Variants in STAC observed in about 807,000 individuals in gnomAD.
STAC encodes the protein SH3 and cysteine-rich domain-containing protein.
STAC carries 43 observed loss-of-function variants against 48.8 expected under a neutral mutation model. The observed-to-expected ratio is 0.88, with a 90% CI of 0.69 to 1.14. The LOEUF (loss-of-function observed/expected upper bound fraction) is 1.14, where lower values mean the gene tolerates loss of function less well. Among genes scored for constraint, STAC ranks in the 50% most tolerant of loss-of-function variants. The probability of loss-of-function intolerance (pLI) is 0.00; values close to 1 mark genes in which losing one functional copy is unlikely to be tolerated. For synonymous variants in STAC, 193 were observed against 179.5 expected, an observed-to-expected ratio of 1.07 and a Z score of -0.60; for missense variants, 497 against 504.0, an observed-to-expected ratio of 0.99 and a Z score of 0.13.
chr3:36,457,185 G>A (rs1042761829), intron 2 of STAC, among the ~76,000 whole-genome samples: 2 of 152,136 alleles, frequency 1.3e-5, no homozygotes, highest in Non-Finnish European at 2.9e-5. Context: ...ATCAGCAAAT[G>A]GATCATCACA....
intron 8 of STAC, among the ~76,000 whole-genome samples, chr3:36,518,430 A>G (rs987453648): frequency 1.5e-4 from 22 of 151,346 alleles, no homozygotes; most frequent in Admixed American, 9.9e-4. Context: ...AAAAAGAAGG[A>G]AAAAAAAAGA....
chr3:36,537,298 G>A (rs758688251), intron 10 of STAC, among the ~76,000 whole-genome samples: 35 of 152,194 alleles, frequency 2.3e-4, no homozygotes, highest in Non-Finnish European at 3.7e-4. Flanking sequence ...CAACCCAAAT[G>A]CCCATCAATG....
intron 1 of STAC, among the ~76,000 whole-genome samples, chr3:36,398,580 GGAAGGAAGGAAGGAAGGA>G (rs1160017724): frequency 2.1e-4 from 14 of 67,930 alleles, no homozygotes; most frequent in African/African-American, 4.0e-4. Flanking sequence ...AAGGAAGGAA[GGAAGGAAGGAAGGAAGGA>G]AGAAAGGAAG....
chr3:36,476,774 C>G (rs1416153488), intron 2 of STAC, among the ~76,000 whole-genome samples: 4 of 152,200 alleles, frequency 2.6e-5, no homozygotes, highest in African/African-American at 9.7e-5. Context: ...TTAAATTCCT[C>G]TTGTCTGCCT....
chr3:36,421,454 A>T (rs1700446526), intron 1 of STAC, among the ~76,000 whole-genome samples: 2 of 152,104 alleles, frequency 1.3e-5, no homozygotes, highest in African/African-American at 4.8e-5. Flanking sequence ...TACTATGAGA[A>T]TTCAATAATT....
At chr3:36,500,626 T>C (rs1698259918) in intron 6 of STAC, among the ~76,000 whole-genome samples, 2 of 152,192 alleles carry the variant, frequency 1.3e-5, no homozygotes, top group African/African-American at 4.8e-5. Flanking sequence ...ACACATGGAA[T>C]TATTTAAAAT....
intron 5 of STAC, among the ~76,000 whole-genome samples, chr3:36,489,730 C>A (rs115177641): frequency 0.017 from 2,662 of 152,252 alleles, 20 homozygotes; most frequent in Non-Finnish European, 0.021. Flanking sequence ...TTCTGTAACA[C>A]TATAAAGGCC....
At chr3:36,466,830 C>T (rs1032789250) in intron 2 of STAC, among the ~76,000 whole-genome samples, 6 of 151,774 alleles carry the variant, frequency 4.0e-5, no homozygotes, top group Non-Finnish European at 7.4e-5. Flanking sequence ...GATTTGGATG[C>T]CCTTTATTTC....
At chr3:36,510,410 T>A (rs1698507253) in intron 8 of STAC, among the ~76,000 whole-genome samples, 1 of 152,124 alleles carries the variant, frequency 6.6e-6, no homozygotes, top group Admixed American at 6.6e-5. Flanking sequence ...TCCTCAAGGA[T>A]CTAGAACCAG....
At chr3:36,411,214 C>T (rs536659348) in intron 1 of STAC, among the ~76,000 whole-genome samples, 6 of 152,334 alleles carry the variant, frequency 3.9e-5, no homozygotes, top group Non-Finnish European at 8.8e-5. Flanking sequence ...ATGTCCACTG[C>T]CATACCCCTG....
intron 6 of STAC, among the ~76,000 whole-genome samples, chr3:36,494,804 G>A (rs1698094815): frequency 6.6e-6 from 1 of 152,180 alleles, no homozygotes; most frequent in South Asian, 2.1e-4. Flanking sequence ...TGGCTTCGAG[G>A]GGAACTTCAT....
chr3:36,433,816 C>T (rs1316064065), intron 1 of STAC, among the ~76,000 whole-genome samples: 1 of 152,182 alleles, frequency 6.6e-6, no homozygotes, highest in Non-Finnish European at 1.5e-5. Flanking sequence ...AGTGGCAGAG[C>T]ATGCAATCAA....
intron 5 of STAC, among the ~76,000 whole-genome samples, chr3:36,492,065 T>TATATATATATATAC (rs1698001185): frequency 1.1e-5 from 1 of 93,782 alleles, no homozygotes; most frequent in African/African-American, 4.1e-5. Flanking sequence ...TATATATATA[T>TATATATATATATAC]ATGTGACTGT....
chr3:36,444,386 A>G (rs1195034956), intron 2 of STAC, among the ~76,000 whole-genome samples: 1 of 152,078 alleles, frequency 6.6e-6, no homozygotes, highest in Non-Finnish European at 1.5e-5. Context: ...TTTTACTCTC[A>G]CTCAGGCATC....
At chr3:36,467,523 T>C (rs924610151) in intron 2 of STAC, among the ~76,000 whole-genome samples, 2 of 152,156 alleles carry the variant, frequency 1.3e-5, no homozygotes, top group African/African-American at 4.8e-5. Flanking sequence ...TCTCACTGCT[T>C]GTTAATTGGT....
chr3:36,440,358 C>A (rs960988250), intron 1 of STAC, among the ~76,000 whole-genome samples: 1 of 152,114 alleles, frequency 6.6e-6, no homozygotes, highest in East Asian at 1.9e-4. Flanking sequence ...TGTGGGTTGA[C>A]AATTTGACAA....
At chr3:36,454,875 C>T (rs534434782) in intron 2 of STAC, among the ~76,000 whole-genome samples, 1 of 152,306 alleles carries the variant, frequency 6.6e-6, no homozygotes, top group African/African-American at 2.4e-5. Context: ...CTGTCTCTCT[C>T]AAATTACAGC....
intron 2 of STAC, among the ~76,000 whole-genome samples, chr3:36,462,315 C>T (rs1408003091): frequency 2.0e-5 from 3 of 151,908 alleles, no homozygotes; most frequent in Non-Finnish European, 4.4e-5. Context: ...GTGTTAGTCA[C>T]GTTAAAATTG....
At position 36,539,579 on chromosome 3, in the gene STAC, T is replaced by C. The variant is rs542094565; in HGVS notation, c.1111-6612T>C. ...TGCTTAGTATTCCATGGTGTATATG[T>C]ACCCCAGATTTGGGGTACATATATT... On this transcript the variant is annotated intron_variant, in intron 10 of 10. Transcript: ENST00000273183. Among the ~76,000 whole-genome samples the C allele has an allele frequency of 2.7e-3, 414 of 152,342 alleles. 2 individuals carry two copies. The highest frequency in any genetic ancestry group is 9.5e-3 in the African/African-American group (393 of 41,580).
Sources: gnomAD v4.1 joint callset for allele counts (sites outside exome capture counted in the v4.1 genomes callset) on GRCh38, gnomAD v4.1.1 for gene constraint, MANE v1.5 for transcripts, NCBI Gene and HGNC (gene_info 2026-07-23, HGNC 2026-07-21) for gene names.